DPCD: variants seen among roughly 807,000 people sequenced by gnomAD.
DPCD encodes deleted in primary ciliary dyskinesia homolog (mouse).
Under a neutral mutation model 26.4 loss-of-function variants are expected in DPCD, and 20 were observed. The observed-to-expected ratio is 0.76, with a 90% confidence interval of 0.53 to 1.10. The LOEUF (loss-of-function observed/expected upper bound fraction) is 1.10, where lower values mean the gene tolerates loss of function less well. Ranked by LOEUF, DPCD falls within the 50% of genes least tolerant of loss-of-function variation. The probability of loss-of-function intolerance (pLI) is 0.00; values close to 1 mark genes in which losing one functional copy is unlikely to be tolerated. For synonymous variants in DPCD, 97 were observed against 94.2 expected, an observed-to-expected ratio of 1.03 and a Z score of -0.17; for missense variants, 202 against 253.9, an observed-to-expected ratio of 0.80 and a Z score of 1.39.
chr10:101,592,859 C>T (rs548527096), intron 1 of DPCD, among the ~76,000 whole-genome samples: 114 of 151,544 alleles, frequency 7.5e-4, no homozygotes, highest in Non-Finnish European at 1.4e-3. Context: ...ACTAAAAATA[C>T]AAAAATTAGC....
intron 4 of DPCD, 45 bp from the exon 5 acceptor site, chr10:101,608,790 G>A: frequency 7.1e-7 from 1 of 1,401,590 alleles, no homozygotes; most frequent in Non-Finnish European, 1.0e-6. Context: ...CTGGCTGTTG[G>A]GTCACCTTGC....
intron 4 of DPCD, among the ~76,000 whole-genome samples, chr10:101,605,455 T>G (rs1236899596): frequency 6.6e-6 from 1 of 152,184 alleles, no homozygotes; most frequent in Non-Finnish European, 1.5e-5. Flanking sequence ...TCTGGGCCCT[T>G]TGACATTGAC....
chr10:101,601,467 A>C, intron 4 of DPCD, 131 bp downstream of exon 4: 3 of 259,898 alleles, frequency 1.2e-5, no homozygotes, highest in Non-Finnish European at 2.1e-5. Flanking sequence ...AGGTATTGGA[A>C]GGGCTTCCTC....
intron 1 of DPCD, 121 bp downstream of exon 1, chr10:101,588,521 T>TCCTG (rs1410229513): frequency 2.0e-6 from 3 of 1,489,086 alleles, no homozygotes; most frequent in Non-Finnish European, 1.8e-6. Context: ...CCGGGCCAGG[T>TCCTG]CCTGCATTTG....
At chr10:101,594,000 T>A (rs1230325404) in intron 1 of DPCD, among the ~76,000 whole-genome samples, 4 of 151,576 alleles carry the variant, frequency 2.6e-5, no homozygotes, top group African/African-American at 9.7e-5. Flanking sequence ...AATCAAAGAG[T>A]CACATAAAAA....
At chr10:101,596,074 CTTTG>C (rs1289361983) in intron 2 of DPCD, among the ~76,000 whole-genome samples, 1 of 152,244 alleles carries the variant, frequency 6.6e-6, no homozygotes, top group Non-Finnish European at 1.5e-5. Context: ...ACCCAGGCCT[CTTTG>C]TTGTGCTTGG....
At chr10:101,598,614 T>TTG in intron 2 of DPCD, among the ~76,000 whole-genome samples, 1 of 66,566 alleles carries the variant, frequency 1.5e-5, no homozygotes, top group African/African-American at 6.3e-5. Flanking sequence ...ATGCTTTCTT[T>TTG]TTTTTTTTTT....
rs115312045 is a variant in DPCD, at chr10:101,601,212, A to T, written c.280A>T (p.Met94Leu). 561 of 1,613,664 alleles carry T rather than the reference A, an allele frequency of 3.5e-4. No homozygotes were observed. The African/African-American group carries it at 7.1e-3, about 21-fold the overall frequency. ...GATTTGCCTTCTGCAGCCTATCTTC[A>T]TGCGCAAGGACACCAAGATGAGTTT... is the stretch of plus-strand genomic sequence containing the variant. ...IKESNANPIF[M>L]RKDTKMSFQW... The change falls in exon 4 of 6, where the codon ATG (methionine) becomes TTG (leucine). Residue 94 changes from methionine to leucine, a missense_variant. Physicochemically the swap from Met to Leu is conservative, Grantham distance 15. Around this residue, in one of 3 missense-constraint regions of DPCD, gnomAD observed 118 missense variants for 145.1 expected, o/e 0.81. Transcript: ENST00000370151.
At chr10:101,594,913 G>A (rs368443041) in intron 2 of DPCD, among the ~76,000 whole-genome samples, 175 bp downstream of exon 2, 2 of 152,250 alleles carry the variant, frequency 1.3e-5, no homozygotes, top group South Asian at 2.1e-4. Flanking sequence ...ACCAAAAGTG[G>A]AATGCGAGTC....
chr10:101,588,565 T>G (rs2063525743), intron 1 of DPCD, 165 bp downstream of exon 1: 9 of 1,442,170 alleles, frequency 6.2e-6, no homozygotes, highest in Non-Finnish European at 8.2e-6. Flanking sequence ...AGAGATGACA[T>G]GACTGGAACA....
At chr10:101,602,418 C>T (rs921294245) in intron 4 of DPCD, among the ~76,000 whole-genome samples, 1 of 152,216 alleles carries the variant, frequency 6.6e-6, no homozygotes, top group African/African-American at 2.4e-5. Context: ...CCCCATATCC[C>T]ATTGCTTTGG....
Position 101,600,452 on chromosome 10 carries a change from C to T in DPCD, c.146-286C>T, listed in dbSNP as rs1032076915. ...GAAGCCACACCTGAGGGTTTCTTGACTCCACTTGGCTCTTCTCAGAGCTTC... is the reference window on the plus strand; with the variant it reads ...GAAGCCACACCTGAGGGTTTCTTGATTCCACTTGGCTCTTCTCAGAGCTTC... On this transcript the variant is annotated intron_variant, in intron 2 of 5. Coordinates refer to ENST00000370151, the MANE Select transcript of DPCD (RefSeq NM_015448.3). This position sits in a 1 kb window ranked among gnomAD's most constrained non-coding sequence, Gnocchi z 4.7. Among the ~76,000 whole-genome samples the T allele has an allele frequency of 6.6e-6, 1 of 152,200 alleles. No individual in the cohort carries two copies. The highest frequency in any genetic ancestry group is 1.5e-5 in the Non-Finnish European group (1 of 68,044).
rs776266924 is a variant in DPCD at position 101,601,361 on chromosome 10, T to A, written c.404+25T>A. Reference sequence around the variant, plus strand: ...AGTGAGTAGCGTGGAAGGCACCCTGTGTGCTTGTGTATGAGCGGGGTGTAG... The same window carrying A: ...AGTGAGTAGCGTGGAAGGCACCCTGAGTGCTTGTGTATGAGCGGGGTGTAG... On this transcript the variant is annotated intron_variant, in intron 4 of 5. Coordinates refer to ENST00000370151, the MANE Select transcript of DPCD (RefSeq NM_015448.3). 4.3e-6 allele frequency: 7 copies of A among 1,611,606 alleles called. No individual in the cohort carries two copies. The Admixed American group carries it at 6.7e-5, about 15-fold the overall frequency.
chr10:101,599,185 T>C (rs1472916616), intron 2 of DPCD, among the ~76,000 whole-genome samples: 1 of 152,200 alleles, frequency 6.6e-6, no homozygotes, highest in Non-Finnish European at 1.5e-5. Flanking sequence ...AGAGTGATCT[T>C]TCCTATAGTA....
At chr10:101,606,986 A>T (rs1480335835) in intron 4 of DPCD, among the ~76,000 whole-genome samples, 2 of 152,192 alleles carry the variant, frequency 1.3e-5, no homozygotes, top group South Asian at 2.1e-4. Flanking sequence ...CTCTGCCTCC[A>T]TTCCTCTTGC....
chr10:101,602,655 C>T (rs1193910182), intron 4 of DPCD, among the ~76,000 whole-genome samples: 2 of 152,198 alleles, frequency 1.3e-5, no homozygotes, highest in East Asian at 1.9e-4. Context: ...TGGAATTTAG[C>T]AATTTCAGAC....
At chr10:101,588,982 G>A (rs1363991224) in intron 1 of DPCD, among the ~76,000 whole-genome samples, 2 of 152,374 alleles carry the variant, frequency 1.3e-5, no homozygotes, top group Non-Finnish European at 1.5e-5. Flanking sequence ...AGAACCAAGG[G>A]CTGTGCCTGG....
At chr10:101,604,563 A>C (rs1298730146) in intron 4 of DPCD, among the ~76,000 whole-genome samples, 1 of 152,214 alleles carries the variant, frequency 6.6e-6, no homozygotes, top group Non-Finnish European at 1.5e-5. Context: ...TCAGGGAAGG[A>C]AAAAAGTGCT....
intron 4 of DPCD, 189 bp downstream of exon 4, chr10:101,601,525 A>T (rs2063699067): frequency 6.2e-6 from 1 of 160,242 alleles, no homozygotes; most frequent in Non-Finnish European, 1.4e-5. Flanking sequence ...CGGGGAAGAG[A>T]AACTTGAATG....
Sources: allele counts gnomAD v4.1 joint callset (sites outside exome capture counted in the v4.1 genomes callset), GRCh38; gene constraint gnomAD v4.1.1; regional missense constraint gnomAD v4.1.1; non-coding constraint Gnocchi (gnomAD v3.1); transcripts MANE v1.5; gene names NCBI Gene and HGNC (gene_info 2026-07-23, HGNC 2026-07-21).